EPB41L3: variants seen among roughly 807,000 people sequenced by gnomAD.
The protein encoded by EPB41L3 is band 4.1-like protein 3.
A neutral mutation model predicts 127.1 loss-of-function variants in EPB41L3; 57 were observed. The observed-to-expected ratio is 0.45, with a 90% CI of 0.36 to 0.56. EPB41L3 has a LOEUF of 0.56. Among genes scored for constraint, EPB41L3 ranks in the 20% least tolerant of loss-of-function variants. The probability of loss-of-function intolerance (pLI) is 0.00; values close to 1 mark genes in which losing one functional copy is unlikely to be tolerated. For missense variants in EPB41L3, 1,273 were observed against 1,372.2 expected, an observed-to-expected ratio of 0.93 and a Z score of 1.14; for synonymous variants, 572 against 549.5, an observed-to-expected ratio of 1.04 and a Z score of -0.57.
intron 1 of EPB41L3, among the ~76,000 whole-genome samples, chr18:5,523,508 A>G (rs962528051): frequency 6.6e-6 from 1 of 152,210 alleles, no homozygotes; most frequent in East Asian, 1.9e-4. Context: ...AAAAATTTTA[A>G]TATCTATTGG....
chr18:5,630,529 C>T, upstream of EPB41L3: 2 of 517,842 alleles, frequency 3.9e-6, no homozygotes, highest in Non-Finnish European at 3.9e-6. Flanking sequence ...TTCGAATTCT[C>T]CGGGGTCCAG....
At chr18:5,548,438 A>T (rs2093916494), upstream of EPB41L3, among the ~76,000 whole-genome samples, 2 of 152,320 alleles carry the variant, frequency 1.3e-5, no homozygotes, top group African/African-American at 4.8e-5. Flanking sequence ...AAAATGTATG[A>T]AAAGTATACA....
intron 1 of EPB41L3, among the ~76,000 whole-genome samples, chr18:5,621,246 G>A (rs557206621): frequency 7.2e-5 from 11 of 152,306 alleles, no homozygotes; most frequent in African/African-American, 2.4e-4. Flanking sequence ...GGCTCAGAGA[G>A]GATTCAGTTT....
At chr18:5,424,657 C>G (rs2077917245) in intron 9 of EPB41L3, among the ~76,000 whole-genome samples, 1 of 152,050 alleles carries the variant, frequency 6.6e-6, no homozygotes. Flanking sequence ...TGATTTCTTC[C>G]AGAAATCAAT....
At chr18:5,608,060 T>C (rs2094682344) in intron 3 of EPB41L3, among the ~76,000 whole-genome samples, 1 of 152,212 alleles carries the variant, frequency 6.6e-6, no homozygotes, top group African/African-American at 2.4e-5. Context: ...TGCTGCAGTC[T>C]GTTCATCCAC....
chr18:5,462,119 C>T (rs1568283068), intron 3 of EPB41L3, among the ~76,000 whole-genome samples: 1 of 152,154 alleles, frequency 6.6e-6, no homozygotes, highest in Non-Finnish European at 1.5e-5. Flanking sequence ...CTGAATCACA[C>T]CACTCTTCAC....
upstream of EPB41L3, among the ~76,000 whole-genome samples, chr18:5,629,179 C>G (rs1435529128): frequency 6.6e-6 from 1 of 152,072 alleles, no homozygotes; most frequent in Non-Finnish European, 1.5e-5. Context: ...TCGGGAACGC[C>G]TCGATCCCCC....
At chr18:5,558,120 AT>A (rs2094067372) in intron 3 of EPB41L3, among the ~76,000 whole-genome samples, 1 of 152,226 alleles carries the variant, frequency 6.6e-6, no homozygotes, top group South Asian at 2.1e-4. Flanking sequence ...TCTTATACCC[AT>A]CTTACAGAAG....
chr18:5,545,901 G>A (rs895900261), upstream of EPB41L3, among the ~76,000 whole-genome samples: 1 of 150,086 alleles, frequency 6.7e-6, no homozygotes, highest in African/African-American at 2.5e-5. Flanking sequence ...GTGTGTGTGT[G>A]TGTGTGTGTG....
intron 1 of EPB41L3, among the ~76,000 whole-genome samples, chr18:5,517,318 C>T (rs2092789125): frequency 6.6e-6 from 1 of 152,056 alleles, no homozygotes; most frequent in Admixed American, 6.5e-5. Context: ...CCCAGGACAC[C>T]TCCACAGAAG....
chr18:5,614,931 T>C (rs2144104481), intron 1 of EPB41L3, among the ~76,000 whole-genome samples: 1 of 152,310 alleles, frequency 6.6e-6, no homozygotes, highest in South Asian at 2.1e-4. Flanking sequence ...GGTCAGGTTA[T>C]GTGTATGAAG....
intron 3 of EPB41L3, among the ~76,000 whole-genome samples, chr18:5,605,183 G>A (rs2094636769): frequency 6.6e-6 from 1 of 152,124 alleles, no homozygotes; most frequent in Non-Finnish European, 1.5e-5. Flanking sequence ...TGAGGCCTCT[G>A]CTGGGACTAC....
At chr18:5,431,274 G>A (rs2145692767) in intron 8 of EPB41L3, 1 of 152,262 alleles carries the variant, frequency 6.6e-6, no homozygotes, top group African/African-American at 2.4e-5. Flanking sequence ...TAAATGGATT[G>A]TAAAGCTCAG....
At chr18:5,549,773 C>T (rs1461806286) in intron 3 of EPB41L3, among the ~76,000 whole-genome samples, 3 of 152,058 alleles carry the variant, frequency 2.0e-5, no homozygotes, top group African/African-American at 4.8e-5. Flanking sequence ...TTGATCTAGG[C>T]GACCAGTCCA....
At chr18:5,477,363 T>G (rs1416173306) in intron 3 of EPB41L3, among the ~76,000 whole-genome samples, 1 of 151,862 alleles carries the variant, frequency 6.6e-6, no homozygotes, top group East Asian at 1.9e-4. Flanking sequence ...GAAAGCACAG[T>G]GGAATGAAGG....
chr18:5,566,549 T>C (rs2094200520), intron 3 of EPB41L3, among the ~76,000 whole-genome samples: 1 of 152,136 alleles, frequency 6.6e-6, no homozygotes, highest in Non-Finnish European at 1.5e-5. Context: ...AGGTAATTTA[T>C]AGATTCAATG....
At chr18:5,617,280 C>T (rs539428835) in intron 1 of EPB41L3, among the ~76,000 whole-genome samples, 17 of 151,876 alleles carry the variant, frequency 1.1e-4, no homozygotes, top group Admixed American at 2.0e-4. Flanking sequence ...AATACAACAA[C>T]CTGTATTTGA....
intron 3 of EPB41L3, among the ~76,000 whole-genome samples, chr18:5,608,259 C>G (rs2094684977): frequency 6.6e-6 from 1 of 152,082 alleles, no homozygotes; most frequent in Non-Finnish European, 1.5e-5. Flanking sequence ...ACGGGCACAC[C>G]AGATGTGTTG....
At position 5,583,934 on chromosome 18, in the gene EPB41L3, G is replaced by A. The variant is rs566922061; in HGVS notation, c.-306+28406C>T. ...TGCGATTCTCCTGCCTCAGCCTCCC[G>A]AGTAGCTGGGATTACAGGCATGCGC... On this transcript the variant is annotated intron_variant, in intron 3 of 21. Transcript: ENST00000545076. Among the ~76,000 whole-genome samples, 37 of 152,148 alleles carry A rather than the reference G, an allele frequency of 2.4e-4. No homozygotes were observed. In the East Asian group the frequency reaches 3.3e-3, roughly 14 times the overall value.
Sources: gnomAD v4.1 joint callset for allele counts (sites outside exome capture counted in the v4.1 genomes callset) on GRCh38, gnomAD v4.1.1 for gene constraint, MANE v1.5 for transcripts, NCBI Gene and HGNC (gene_info 2026-07-23, HGNC 2026-07-21) for gene names.